HSPA4L: variants seen among roughly 807,000 people sequenced by gnomAD.
HSPA4L encodes the protein heat shock 70 kDa protein 4L.
HSPA4L carries 48 observed loss-of-function variants against 100.3 expected under a neutral mutation model. The observed-to-expected ratio is 0.48, with a 90% CI of 0.38 to 0.61. The LOEUF is 0.61. Among genes scored for constraint, HSPA4L ranks in the 20% least tolerant of loss-of-function variants. The probability of loss-of-function intolerance (pLI) is 0.00; values close to 1 mark genes in which losing one functional copy is unlikely to be tolerated. For synonymous variants in HSPA4L, 319 were observed against 328.2 expected, an observed-to-expected ratio of 0.97 and a Z score of 0.30; for missense variants, 886 against 988.6, an observed-to-expected ratio of 0.90 and a Z score of 1.39.
intron 1 of HSPA4L, among the ~76,000 whole-genome samples, chr4:127,790,205 A>G (rs1732834714): frequency 6.6e-6 from 1 of 152,246 alleles, no homozygotes; most frequent in Non-Finnish European, 1.5e-5. Flanking sequence ...TCTAACAAAA[A>G]TTAAACTCTT....
At chr4:127,788,662 C>T (rs1050244713) in intron 1 of HSPA4L, among the ~76,000 whole-genome samples, 1 of 152,142 alleles carries the variant, frequency 6.6e-6, no homozygotes, top group African/African-American at 2.4e-5. Context: ...GAAGGGATAA[C>T]TGACAGAATC....
intron 12 of HSPA4L, chr4:127,813,377 AGG>A (rs1733592755): frequency 1.8e-6 from 1 of 544,760 alleles, no homozygotes; most frequent in East Asian, 3.0e-5. Context: ...ACTTCATTTA[AGG>A]ACTGTGGCTT....
At chr4:127,823,461 G>T in intron 15 of HSPA4L, 56 bp from the exon 16 acceptor site, 2 of 1,260,110 alleles carry the variant, frequency 1.6e-6, no homozygotes, top group South Asian at 2.4e-5. Flanking sequence ...GCCCAATGAT[G>T]ACTTTTATTT....
chr4:127,787,927 G>T (rs1200973535), intron 1 of HSPA4L, among the ~76,000 whole-genome samples: 2 of 152,050 alleles, frequency 1.3e-5, no homozygotes, highest in Non-Finnish European at 2.9e-5. Flanking sequence ...GTTGTGTTGT[G>T]ATGAAACTTT....
At chr4:127,823,015 A>C in intron 15 of HSPA4L, 121 bp downstream of exon 15, 2 of 863,426 alleles carry the variant, frequency 2.3e-6, no homozygotes, top group East Asian at 2.9e-5. Context: ...TTGGGCCCAT[A>C]TGGGGAAGGT....
At chr4:127,803,452 T>C (rs1733251364) in intron 6 of HSPA4L, among the ~76,000 whole-genome samples, 177 bp from the exon 7 acceptor site, 1 of 152,194 alleles carries the variant, frequency 6.6e-6, no homozygotes, top group South Asian at 2.1e-4. Context: ...TAAGGAAATA[T>C]GTTGACTAAA....
chr4:127,806,824 C>T (rs1487493059), intron 10 of HSPA4L, among the ~76,000 whole-genome samples: 1 of 151,736 alleles, frequency 6.6e-6, no homozygotes, highest in Non-Finnish European at 1.5e-5. Flanking sequence ...TAAGTACCCC[C>T]AAGAAAATGA....
At chr4:127,786,270 C>T (rs1191935798) in intron 1 of HSPA4L, among the ~76,000 whole-genome samples, 1 of 152,058 alleles carries the variant, frequency 6.6e-6, no homozygotes, top group Non-Finnish European at 1.5e-5. Flanking sequence ...CCTCTCTGAC[C>T]CTAGAACCCA....
intron 1 of HSPA4L, among the ~76,000 whole-genome samples, chr4:127,786,274 G>A (rs142642302): frequency 1.1e-4 from 17 of 152,152 alleles, no homozygotes; most frequent in Non-Finnish European, 2.1e-4. Flanking sequence ...TCTGACCCTA[G>A]AACCCAAATG....
chr4:127,789,504 C>T (rs565786129), intron 1 of HSPA4L, among the ~76,000 whole-genome samples: 3 of 152,018 alleles, frequency 2.0e-5, no homozygotes, highest in East Asian at 3.9e-4. Flanking sequence ...AAAAATTAGC[C>T]GGGCATGGTG....
At position 127,803,833 on chromosome 4, in the gene HSPA4L, T is replaced by C; in HGVS notation, c.868T>C (p.Cys290Arg). ...ATCAGATCTTCCATTGAACATTGAG[T>C]GTTTCATGAATGACCTTGATGTTTC... ...NASDLPLNIE[C>R]FMNDLDVSSK... Residue 290 changes from cysteine (C) to arginine (R), a missense_variant, in exon 7 of 19, where the codon TGT becomes CGT. By Grantham distance (180) the Cys-to-Arg change is radical. Transcript: ENST00000296464. 1 of 1,613,872 alleles carries C rather than the reference T, an allele frequency of 6.2e-7. No homozygotes were observed. The highest frequency in any genetic ancestry group is 8.5e-7 in the Non-Finnish European group (1 of 1,179,864).
chr4:127,784,567 T>C (rs923516786), intron 1 of HSPA4L, among the ~76,000 whole-genome samples: 4 of 152,244 alleles, frequency 2.6e-5, no homozygotes, highest in African/African-American at 9.6e-5. Flanking sequence ...TCTTAAAAAG[T>C]GAAAGGATAT....
In HSPA4L at chr4:127,811,492, G is replaced by T; in HGVS notation, c.1434G>T (p.Val478=). ...AGTCTGATGGTGATAGTTCCAAAGT[G>T]AAGGTTAAAGTTCGTGTTAACATCC... The part of the protein sequence containing the change: ...FPQSDGDSSK[V]KVKVRVNIHG... The change falls in exon 12 of 19, where the codon GTG becomes GTT. Residue 478 remains valine, a synonymous_variant. Coordinates refer to ENST00000296464, the MANE Select transcript of HSPA4L (RefSeq NM_014278.4). The T allele has an allele frequency of 6.2e-7, 1 of 1,614,034 alleles. No individual in the cohort carries two copies. The highest frequency in any genetic ancestry group is 1.7e-5 in the Admixed American group (1 of 60,024).
rs1311052823 is a variant in HSPA4L, at chr4:127,840,429, A to G, written c.*7555A>G. 6.6e-6 allele frequency: 1 copy of G among 152,204 alleles called. No individual in the cohort carries two copies. The highest frequency in any genetic ancestry group is 2.4e-5 in the African/African-American group (1 of 41,462). 9.4% of individuals were successfully genotyped at this position (152,204 alleles called of 1,614,324 possible). On this transcript the variant is annotated 3_prime_UTR_variant, in exon 19 of 19. Transcript: ENST00000296464. Reference sequence around the variant, plus strand: ...AATGGTAATCAAGTGTGATGTTTCTATAAAAATAATTGAGATTCACATGTA... The same window carrying G: ...AATGGTAATCAAGTGTGATGTTTCTGTAAAAATAATTGAGATTCACATGTA...
At chr4:127,809,411 C>T in intron 11 of HSPA4L, 1 of 1,247,214 alleles carries the variant, frequency 8.0e-7, no homozygotes, top group Non-Finnish European at 1.2e-6. Context: ...TTGGATACTT[C>T]ATAACTCAAG....
In HSPA4L at chr4:127,833,620, G is replaced by C. The variant is rs1734141197; in HGVS notation, c.*746G>C. 6.6e-6 allele frequency: 1 copy of C among 152,152 alleles called. No individual in the cohort carries two copies. Among genetic ancestry groups the C allele is most frequent in the Admixed American group, 6.5e-5 (1 of 15,278 alleles). The allele number at this position is 152,152 out of a possible 1,614,324, so 9.4% of individuals were successfully genotyped here. ...AAACAATGCTAGCCTAAAGATACAG[G>C]AGTCTCTGACAAAATGACTTTCATG... On this transcript the variant is annotated 3_prime_UTR_variant, in exon 19 of 19. Transcript: ENST00000296464.
rs559036061 is a variant in HSPA4L at position 127,808,393 on chromosome 4, T to C, written c.1378+264T>C. The stretch of plus-strand genomic sequence containing the variant: ...TATTAGGAAAAACAAGTGTCTGTAC[T>C]GAACATGCCTAGACTTTTTTTTTCT... On this transcript the variant is annotated intron_variant, in intron 11 of 18. Transcript: ENST00000296464. Among the ~76,000 whole-genome samples, 4 of 152,340 alleles carry C rather than the reference T, an allele frequency of 2.6e-5. No homozygotes were observed. The South Asian group carries it at 8.3e-4, about 32-fold the overall frequency.
At position 127,798,681 on chromosome 4, in the gene HSPA4L, A is replaced by G; in HGVS notation, c.401A>G (p.Lys134Arg). The change falls in exon 4 of 19, where the codon AAG becomes AGG. Residue 134 changes from lysine (K) to arginine (R), a missense_variant. Transcript: ENST00000296464. The part of the protein sequence containing the change: ...KLKETSENAL[K>R]KPVADCVISI... ...AAAGAGACTTCAGAAAATGCTTTGAAGAAACCAGTGGCTGACTGTGTGATT... is the reference window on the plus strand; with the variant it reads ...AAAGAGACTTCAGAAAATGCTTTGAGGAAACCAGTGGCTGACTGTGTGATT... The G allele has an allele frequency of 6.2e-7, 1 of 1,613,756 alleles. No individual in the cohort carries two copies. Among genetic ancestry groups the G allele is most frequent in the Non-Finnish European group, 8.5e-7 (1 of 1,179,766 alleles).
In HSPA4L at chr4:127,827,406, A is replaced by C; in HGVS notation, c.2148A>C (p.Ile716=). ...GKKIQLVMKV[I]EAYRNKDERY... is the part of the protein sequence containing the mutation. ...AGATCCAACTTGTCATGAAAGTGAT[A>C]GAAGCTTATAGAAACAAGGTATTGA... Residue 716 remains isoleucine, a synonymous_variant, in exon 17 of 19, where the codon ATA becomes ATC. Coordinates refer to ENST00000296464, the MANE Select transcript of HSPA4L (RefSeq NM_014278.4). 3 of 1,613,736 alleles carry C rather than the reference A, an allele frequency of 1.9e-6. No individual in the cohort carries two copies. The highest frequency in any genetic ancestry group is 2.5e-6 in the Non-Finnish European group (3 of 1,179,698).
Sources: allele counts gnomAD v4.1 joint callset (sites outside exome capture counted in the v4.1 genomes callset), GRCh38; gene constraint gnomAD v4.1.1; transcripts MANE v1.5; gene names NCBI Gene and HGNC (gene_info 2026-07-23, HGNC 2026-07-21).